WDR70: variants seen among roughly 807,000 people sequenced by gnomAD.
WDR70 encodes WD repeat domain 70.
WDR70 carries 53 observed loss-of-function variants against 88.6 expected under a neutral mutation model. The ratio of observed to expected loss-of-function variants is 0.60; its 90% CI spans 0.48 to 0.75. The LOEUF is 0.75. WDR70 is among the 30% of genes least tolerant of loss of function. The pLI, the probability that WDR70 is intolerant of heterozygous loss-of-function variation, is 0.00. For synonymous variants in WDR70, 280 were observed against 270.0 expected, an observed-to-expected ratio of 1.04 and a Z score of -0.36; for missense variants, 610 against 823.2, an observed-to-expected ratio of 0.74 and a Z score of 3.17.
intron 9 of WDR70, among the ~76,000 whole-genome samples, chr5:37,565,949 TACA>T (rs1742728232): frequency 6.6e-6 from 1 of 152,146 alleles, no homozygotes; most frequent in Non-Finnish European, 1.5e-5. Context: ...TACTTGCTTT[TACA>T]ACAACTTTAT....
chr5:37,587,352 C>G (rs1743391164), intron 9 of WDR70, among the ~76,000 whole-genome samples: 1 of 151,452 alleles, frequency 6.6e-6, no homozygotes, highest in African/African-American at 2.4e-5. Flanking sequence ...CTTTTTTTTC[C>G]CTATATAGAC....
At chr5:37,499,522 G>GTT (rs1361870216) in intron 8 of WDR70, among the ~76,000 whole-genome samples, 8 of 135,154 alleles carry the variant, frequency 5.9e-5, no homozygotes, top group Non-Finnish European at 1.1e-4. Flanking sequence ...TTGTTTTTCA[G>GTT]TTTTTTTTTA....
chr5:37,515,424 T>C (rs1247896090), intron 8 of WDR70, among the ~76,000 whole-genome samples: 1 of 152,220 alleles, frequency 6.6e-6, no homozygotes, highest in East Asian at 1.9e-4. Flanking sequence ...GTGCAAGCCT[T>C]GAGTTCAGGG....
chr5:37,388,298 AG>A (rs1292660926), intron 3 of WDR70, among the ~76,000 whole-genome samples: 1 of 151,530 alleles, frequency 6.6e-6, no homozygotes, highest in Non-Finnish European at 1.5e-5. Context: ...TTGTATTTTT[AG>A]TAGAGACGGG....
Position 37,477,925 on chromosome 5 carries a change from G to A in WDR70, c.687-1909G>A, listed in dbSNP as rs140822544. 7.9e-5 allele frequency among the ~76,000 whole-genome samples: 12 copies of A among 152,114 alleles called. No individual in the cohort carries two copies. The East Asian group carries it at 2.3e-3, about 29-fold the overall frequency. ...TTCTTTGGATTGCCCATATCCCCTG[G>A]GACTCTAAAGGCTGGAAAATTAATA... is the stretch of plus-strand genomic sequence containing the variant. On this transcript the variant is annotated intron_variant, in intron 7 of 17. Coordinates refer to ENST00000265107, the MANE Select transcript of WDR70 (RefSeq NM_018034.4).
intron 9 of WDR70, among the ~76,000 whole-genome samples, chr5:37,547,184 A>G (rs984306521): frequency 6.6e-6 from 1 of 152,288 alleles, no homozygotes; most frequent in South Asian, 2.1e-4. Flanking sequence ...CCTGTTGGCC[A>G]TTTATCAAAT....
intron 10 of WDR70, among the ~76,000 whole-genome samples, chr5:37,611,159 T>C (rs1215927788): frequency 6.6e-6 from 1 of 152,312 alleles, no homozygotes; most frequent in East Asian, 1.9e-4. Context: ...AAAAATTTGC[T>C]TTTAGTGGGT....
chr5:37,704,505 A>G (rs941466065), intron 13 of WDR70, among the ~76,000 whole-genome samples: 7 of 152,170 alleles, frequency 4.6e-5, no homozygotes, highest in Admixed American at 2.0e-4. Flanking sequence ...AGTGTCTCAT[A>G]ATGTGATACA....
chr5:37,610,382 T>C (rs1744158053), intron 10 of WDR70, among the ~76,000 whole-genome samples: 1 of 152,072 alleles, frequency 6.6e-6, no homozygotes, highest in African/African-American at 2.4e-5. Flanking sequence ...TTTCAAAATG[T>C]CTTTATTTAA....
chr5:37,749,423 C>G (rs1561104711), intron 17 of WDR70, among the ~76,000 whole-genome samples: 1 of 150,748 alleles, frequency 6.6e-6, no homozygotes, highest in Non-Finnish European at 1.5e-5. Flanking sequence ...AGGGGAACAC[C>G]ACACACCAGG....
intron 10 of WDR70, among the ~76,000 whole-genome samples, chr5:37,617,151 A>G (rs533097864): frequency 2.6e-5 from 4 of 152,352 alleles, no homozygotes; most frequent in African/African-American, 7.2e-5. Flanking sequence ...AAGTACTACC[A>G]TTAACTACAT....
chr5:37,677,230 T>G (rs1459722766), intron 10 of WDR70, among the ~76,000 whole-genome samples: 1 of 152,044 alleles, frequency 6.6e-6, no homozygotes, highest in East Asian at 1.9e-4. Flanking sequence ...GTGTCTCTAT[T>G]TCCTTCAGTT....
chr5:37,402,143 G>A (rs2111924405), intron 5 of WDR70, among the ~76,000 whole-genome samples: 1 of 152,026 alleles, frequency 6.6e-6, no homozygotes, highest in African/African-American at 2.4e-5. Flanking sequence ...ACTTTTATGA[G>A]ATCAGTTTAT....
At chr5:37,509,219 A>G (rs1195954093) in intron 8 of WDR70, among the ~76,000 whole-genome samples, 2 of 151,930 alleles carry the variant, frequency 1.3e-5, no homozygotes, top group Non-Finnish European at 2.9e-5. Flanking sequence ...TTAATTATTA[A>G]TTTGAGACTT....
chr5:37,564,108 A>G, intron 9 of WDR70, among the ~76,000 whole-genome samples: 1 of 150,050 alleles, frequency 6.7e-6, no homozygotes, highest in East Asian at 2.0e-4. Context: ...GACGCTCCTC[A>G]CTTCCCAGAC....
chr5:37,665,359 CTGA>C (rs1745805605), intron 10 of WDR70, among the ~76,000 whole-genome samples: 1 of 152,190 alleles, frequency 6.6e-6, no homozygotes, highest in Non-Finnish European at 1.5e-5. Flanking sequence ...GTACCTGCAG[CTGA>C]TAACACTCAC....
At chr5:37,421,407 A>G (rs1251851315) in intron 5 of WDR70, among the ~76,000 whole-genome samples, 3 of 152,208 alleles carry the variant, frequency 2.0e-5, no homozygotes, top group South Asian at 2.1e-4. Context: ...GTGGCATTCT[A>G]TGTAAGCTGT....
At chr5:37,541,115 A>C (rs1383503005) in intron 9 of WDR70, among the ~76,000 whole-genome samples, 1 of 152,252 alleles carries the variant, frequency 6.6e-6, no homozygotes, top group Non-Finnish European at 1.5e-5. Flanking sequence ...CTTTTCAAAA[A>C]GGGAAACTGA....
At chr5:37,739,880 A>AT (rs1748423560) in intron 17 of WDR70, among the ~76,000 whole-genome samples, 1 of 152,010 alleles carries the variant, frequency 6.6e-6, no homozygotes. Flanking sequence ...ATTTCTTAAC[A>AT]TCAGTGTACA....
Sources: gnomAD v4.1 joint callset for allele counts (sites outside exome capture counted in the v4.1 genomes callset) on GRCh38, gnomAD v4.1.1 for gene constraint, MANE v1.5 for transcripts, NCBI Gene and HGNC (gene_info 2026-07-23, HGNC 2026-07-21) for gene names.